SMAD7: variants seen among roughly 807,000 people sequenced by gnomAD.
SMAD7 encodes MAD (mothers against decapentaplegic, Drosophila) homolog 7.
A neutral mutation model predicts 38.7 loss-of-function variants in SMAD7; 8 were observed. The ratio of observed to expected loss-of-function variants is 0.21; its 90% CI spans 0.12 to 0.37. SMAD7 has a LOEUF of 0.37. Among genes scored for constraint, SMAD7 ranks in the 10% least tolerant of loss-of-function variants. The probability of loss-of-function intolerance (pLI) is 1.00; values close to 1 mark genes in which losing one functional copy is unlikely to be tolerated. For missense variants in SMAD7, 477 were observed against 577.9 expected (o/e 0.83, Z 1.79); for synonymous variants, 327 against 265.1 (o/e 1.23, Z -2.27).
intron 1 of SMAD7, 59 bp from the exon 2 acceptor site, chr18:48,948,496 T>G (rs1016546582): frequency 1.2e-4 from 140 of 1,122,998 alleles, no homozygotes; most frequent in East Asian, 9.1e-4. Flanking sequence ...AGATAGAAAC[T>G]TATGATAACA....
intron 3 of SMAD7, among the ~76,000 whole-genome samples, chr18:48,942,130 A>G (rs944680825): frequency 2.0e-5 from 3 of 152,174 alleles, no homozygotes; most frequent in Non-Finnish European, 4.4e-5. Context: ...CAAAAGCAAA[A>G]AAAGAGCTCA....
chr18:48,942,451 T>C (rs2070151505), intron 3 of SMAD7, 30 bp downstream of exon 3: 2 of 1,477,198 alleles, frequency 1.4e-6, no homozygotes, highest in African/African-American at 1.4e-5. Context: ...AAGGTTGGAA[T>C]TGCCAGGAAA....
At chr18:48,943,607 A>G (rs2070165871) in intron 2 of SMAD7, among the ~76,000 whole-genome samples, 1 of 152,238 alleles carries the variant, frequency 6.6e-6, no homozygotes, top group Non-Finnish European at 1.5e-5. Context: ...AGCCCGGCTA[A>G]GGAAAGGTGC....
intron 3 of SMAD7, among the ~76,000 whole-genome samples, chr18:48,929,573 T>TCACACACACACACACACA (rs6146310): frequency 1.5e-5 from 2 of 137,322 alleles, no homozygotes; most frequent in African/African-American, 2.8e-5. Context: ...TCTCTCTCAC[T>TCACACACACACACACACA]CACACACACA....
At chr18:48,926,980 T>C (rs2069936038) in intron 3 of SMAD7, among the ~76,000 whole-genome samples, 2 of 152,190 alleles carry the variant, frequency 1.3e-5, no homozygotes, top group African/African-American at 2.4e-5. Context: ...TTGTTTTCAA[T>C]AGGCGAATCC....
Position 48,950,165 on chromosome 18 carries a change from C to A in SMAD7, c.260G>T (p.Gly87Val). 6.7e-7 allele frequency: 1 copy of A among 1,486,994 alleles called. No individual in the cohort carries two copies. The highest frequency in any genetic ancestry group is 2.9e-5 in the East Asian group (1 of 34,352). The allele number at this position is 1,486,994 out of a possible 1,614,324, so 92.1% of individuals were successfully genotyped here. A position where few individuals can be genotyped will look rare whatever the true frequency, so the allele number is the denominator to read the frequency against. Residue 87 changes from glycine (G) to valine (V), a missense_variant, in exon 1 of 4, where the codon GGC becomes GTC. Coordinates refer to ENST00000262158, the MANE Select transcript of SMAD7 (RefSeq NM_005904.4). Reference protein sequence around the residue: ...PPAAGAGAAGGAEADLKALTH... With the variant: ...PPAAGAGAAGVAEADLKALTH... ...GAGCGCCTTCAGATCCGCCTCGGCG[C>A]CCCCGGCCGCGCCGGCGCCCGCGGC...
chr18:48,948,696 G>C (rs2070225413), intron 1 of SMAD7, among the ~76,000 whole-genome samples: 1 of 152,242 alleles, frequency 6.6e-6, no homozygotes, highest in Non-Finnish European at 1.5e-5. Flanking sequence ...GGAAACCACC[G>C]GCTCGGCCGG....
chr18:48,948,478 G>A, intron 1 of SMAD7, 41 bp from the exon 2 acceptor site: 2 of 1,388,586 alleles, frequency 1.4e-6, no homozygotes, highest in South Asian at 2.5e-5. Context: ...GCCCAGCCAT[G>A]AGAAGAGAGA....
chr18:48,935,339 A>G (rs2070052072), intron 3 of SMAD7, among the ~76,000 whole-genome samples: 1 of 152,244 alleles, frequency 6.6e-6, no homozygotes, highest in Admixed American at 6.5e-5. Context: ...TCTGTGTGAC[A>G]GTAGGCAGGC....
At chr18:48,941,857 G>T (rs567192231) in intron 3 of SMAD7, among the ~76,000 whole-genome samples, 1 of 152,234 alleles carries the variant, frequency 6.6e-6, no homozygotes, top group Admixed American at 6.5e-5. Context: ...GGCATTCCAG[G>T]CCTTCACGCA....
Position 48,942,500 on chromosome 18 carries a change from C to G in SMAD7, c.723G>C (p.Leu241=). ...SSAETGGTNY[L]APGGLSDSQL... ...TCTTACCTGAAAGCCCCCCAGGGGC[C>G]AGATAATTCGTTCCCCCTGTTTCAG... The change falls in exon 3 of 4, where the codon CTG becomes CTC. Residue 241 remains leucine (L), a synonymous_variant. Coordinates refer to ENST00000262158, the MANE Select transcript of SMAD7 (RefSeq NM_005904.4). 6.3e-7 allele frequency: 1 copy of G among 1,596,958 alleles called. No individual in the cohort carries two copies. The highest frequency in any genetic ancestry group is 1.8e-5 in the Admixed American group (1 of 54,752).
At chr18:48,944,502 C>A (rs2070175511) in intron 2 of SMAD7, among the ~76,000 whole-genome samples, 1 of 152,250 alleles carries the variant, frequency 6.6e-6, no homozygotes, top group African/African-American at 2.4e-5. Context: ...CTCCCTACCA[C>A]CCCTGTGAAG....
intron 2 of SMAD7, 86 bp from the exon 3 acceptor site, chr18:48,942,641 G>A (rs1483431834): frequency 6.2e-7 from 1 of 1,602,250 alleles, no homozygotes; most frequent in Non-Finnish European, 8.5e-7. Context: ...TAAACAGCAT[G>A]AAAGACAAAC....
At chr18:48,949,441 G>A (rs991785904) in intron 1 of SMAD7, 2 of 208,674 alleles carry the variant, frequency 9.6e-6, no homozygotes, top group Non-Finnish European at 1.7e-5. Flanking sequence ...ACGTCTTTCC[G>A]GGTGCGGGGA....
Position 48,948,428 on chromosome 18 carries a change from G to A in SMAD7, c.623C>T (p.Pro208Leu). 6.3e-7 allele frequency: 1 copy of A among 1,595,408 alleles called. No individual in the cohort carries two copies. The highest frequency in any genetic ancestry group is 1.1e-5 in the South Asian group (1 of 87,482). ...CATCGGGTATCTGGAGTAAGGAGGG[G>A]GGGGAGACTCTGAAATTAAAAAAGC... ...LSRLCELESPPPPYSRYPMDF... is the reference protein window; with the variant it reads ...LSRLCELESPLPPYSRYPMDF... Residue 208 changes from proline to leucine, a missense_variant, in exon 2 of 4, where the codon CCC (proline) becomes CTC (leucine). By Grantham distance (98) the Pro-to-Leu change is moderately conservative (BLOSUM62 -3). Transcript: ENST00000262158.
At chr18:48,940,766 C>T (rs112088515) in intron 3 of SMAD7, among the ~76,000 whole-genome samples, 4,940 of 148,886 alleles carry the variant, frequency 0.033, 253 homozygotes, top group African/African-American at 0.12. Context: ...GCCGAAATCG[C>T]GCCACTGCAC....
intron 1 of SMAD7, among the ~76,000 whole-genome samples, chr18:48,948,806 G>C (rs1287546876): frequency 1.3e-5 from 2 of 152,138 alleles, no homozygotes; most frequent in Non-Finnish European, 2.9e-5. Flanking sequence ...TCCCCGCCCC[G>C]GCCCGCCCCC....
rs2069857912 is a variant in SMAD7 at position 48,921,396 on chromosome 18, T to C, written c.1257A>G (p.Leu419=). Residue 419 remains leucine, a synonymous_variant, in exon 4 of 4, where the codon CTA becomes CTG. Coordinates refer to ENST00000262158, the MANE Select transcript of SMAD7 (RefSeq NM_005904.4). This position sits in a 1 kb window ranked among gnomAD's most constrained non-coding sequence, Gnocchi z 6.4. ...GCTACCGGCTGTTGAAGATGACCTCTAGCCAGCACGGGCAGCTGCTGATGA... is the reference window on the plus strand; with the variant it reads ...GCTACCGGCTGTTGAAGATGACCTCCAGCCAGCACGGGCAGCTGCTGATGA... ...RQFISSCPCW[L]EVIFNSR is the part of the protein sequence containing the mutation. 6.2e-7 allele frequency: 1 copy of C among 1,613,602 alleles called. No homozygotes were observed.
chr18:48,929,570 C>CTCACACACACACACACACACACAT (rs2069970881), intron 3 of SMAD7, among the ~76,000 whole-genome samples: 1 of 28,602 alleles, frequency 3.5e-5, no homozygotes, highest in African/African-American at 5.9e-5. Context: ...CTCTCTCTCT[C>CTCACACACACACACACACACACAT]ACTCACACAC....
Sources: gnomAD v4.1 joint callset for allele counts (sites outside exome capture counted in the v4.1 genomes callset) on GRCh38, gnomAD v4.1.1 for gene constraint, Gnocchi (gnomAD v3.1) non-coding constraint, MANE v1.5 for transcripts, NCBI Gene and HGNC (gene_info 2026-07-23, HGNC 2026-07-21) for gene names.